Variants in ST8SIA4 observed in about 807,000 individuals in gnomAD.
ST8SIA4 encodes the protein ST8 alpha-N-acetyl-neuraminide alpha-2,8-sialyltransferase 4, also known as CMP-N-acetylneuraminate-poly-alpha-2,8-sialyltransferase.
In ST8SIA4, 15 loss-of-function variants were observed where a neutral mutation model predicts 33.9. The observed-to-expected ratio is 0.44, with a 90% confidence interval of 0.30 to 0.68. The LOEUF is 0.68. ST8SIA4 is among the 30% of genes least tolerant of loss of function. The pLI is 0.10. For synonymous variants in ST8SIA4, 171 were observed against 151.2 expected (o/e 1.13, Z -0.96); for missense variants, 321 against 428.0 (o/e 0.75, Z 2.21).
At chr5:100,838,346 C>T (rs1751405621) in intron 4 of ST8SIA4, among the ~76,000 whole-genome samples, 1 of 151,788 alleles carries the variant, frequency 6.6e-6, no homozygotes, top group Non-Finnish European at 1.5e-5. Flanking sequence ...GGTCAGTAGG[C>T]CAAGTCAAAC....
rs142632134 is a variant in ST8SIA4, at chr5:100,874,678, G to A, written c.503+11665C>T. ...TGGCTCACTGCAGCCTCAACCTCCC[G>A]GGGTCAAGTGATCCTCTCACCTCAG... On this transcript the variant is annotated intron_variant, in intron 3 of 4. Coordinates refer to ENST00000231461, the MANE Select transcript of ST8SIA4 (RefSeq NM_005668.6). 1.8e-3 allele frequency among the ~76,000 whole-genome samples: 272 copies of A among 151,986 alleles called. 2 individuals carry two copies. Among genetic ancestry groups the A allele is most frequent in the East Asian group, 8.5e-3 (44 of 5,156 alleles).
rs556970894 is a variant in ST8SIA4, at chr5:100,834,806, T to C, written c.797+21297A>G. ...AGAGCCTGTCCCACTTTGCCTTTTG[T>C]CATGATTGTAAGCTTGCTGACGCCT... On this transcript the variant is annotated intron_variant, in intron 4 of 4. Coordinates refer to ENST00000231461, the MANE Select transcript of ST8SIA4 (RefSeq NM_005668.6). Among the ~76,000 whole-genome samples, 20 of 152,228 alleles carry C rather than the reference T, an allele frequency of 1.3e-4. No homozygotes were observed. In the South Asian group the frequency reaches 3.3e-3, roughly 25 times the overall value.
intron 3 of ST8SIA4, among the ~76,000 whole-genome samples, chr5:100,869,011 G>A (rs1752140175): frequency 6.6e-6 from 1 of 152,004 alleles, no homozygotes; most frequent in Admixed American, 6.6e-5. Flanking sequence ...CTCATTATCA[G>A]TGCCTAGTTC....
intron 2 of ST8SIA4, among the ~76,000 whole-genome samples, chr5:100,892,122 T>C (rs555960969): frequency 6.6e-6 from 1 of 152,248 alleles, no homozygotes; most frequent in Admixed American, 6.5e-5. Flanking sequence ...TCTATACATC[T>C]ATAATTGATG....
At chr5:100,885,737 C>G in intron 3 of ST8SIA4, 1 of 941,378 alleles carries the variant, frequency 1.1e-6, no homozygotes, top group Non-Finnish European at 1.3e-6. Flanking sequence ...ATCAAACACA[C>G]AATTCATCAA....
intron 3 of ST8SIA4, among the ~76,000 whole-genome samples, chr5:100,869,184 A>G (rs1026523958): frequency 2.0e-4 from 30 of 152,202 alleles, no homozygotes; most frequent in African/African-American, 7.2e-4. Context: ...TATAAGAAAG[A>G]TGAAAGTTAT....
chr5:100,818,991 T>C (rs1031101966), intron 4 of ST8SIA4, among the ~76,000 whole-genome samples: 5 of 152,208 alleles, frequency 3.3e-5, no homozygotes, highest in Admixed American at 2.6e-4. Context: ...GATCTACATA[T>C]ATTATGTTGA....
Position 100,808,467 on chromosome 5 carries a change from G to C in ST8SIA4, c.*3380C>G, listed in dbSNP as rs1478147548. 6.6e-6 allele frequency: 1 copy of C among 152,540 alleles called. No homozygotes were observed. The highest frequency in any genetic ancestry group is 2.4e-5 in the African/African-American group (1 of 41,438). The allele number at this position is 152,540 out of a possible 1,614,324, so 9.4% of individuals were successfully genotyped here. A position where few individuals can be genotyped will look rare whatever the true frequency, so the allele number is the denominator to read the frequency against. On this transcript the variant is annotated 3_prime_UTR_variant, in exon 5 of 5. Transcript: ENST00000231461. ...GCAACTTAACATTAACTACAGCACA[G>C]GCTGAATAATAATGATGAAAATGTT... is the stretch of plus-strand genomic sequence containing the variant.
At chr5:100,867,113 T>G (rs559789718) in intron 3 of ST8SIA4, among the ~76,000 whole-genome samples, 17 of 152,212 alleles carry the variant, frequency 1.1e-4, no homozygotes, top group African/African-American at 4.1e-4. Context: ...GAATCGATAC[T>G]AGGTATACCC....
chr5:100,822,612 AT>A (rs1254582632), intron 4 of ST8SIA4, among the ~76,000 whole-genome samples: 1 of 152,240 alleles, frequency 6.6e-6, no homozygotes, highest in Non-Finnish European at 1.5e-5. Flanking sequence ...ATGAAATTTA[AT>A]ATATTATGTC....
At chr5:100,816,903 G>A (rs977845078) in intron 4 of ST8SIA4, among the ~76,000 whole-genome samples, 2 of 151,184 alleles carry the variant, frequency 1.3e-5, no homozygotes, top group Admixed American at 6.6e-5. Flanking sequence ...CCAGTCTGCA[G>A]TAATTTGAGA....
chr5:100,818,802 G>T (rs1388274088), intron 4 of ST8SIA4, among the ~76,000 whole-genome samples: 4 of 152,128 alleles, frequency 2.6e-5, no homozygotes, highest in African/African-American at 9.7e-5. Context: ...ATGAAGAAAG[G>T]AATGGAGATA....
Position 100,895,772 on chromosome 5 carries a change from A to G in ST8SIA4, c.127T>C (p.Ser43Pro). The change falls in exon 2 of 5, where the codon TCT becomes CCT. Residue 43 changes from serine to proline, a missense_variant. Physicochemically the swap from Ser to Pro is moderately conservative, Grantham distance 74 (BLOSUM62 -1). Transcript: ENST00000231461. ...CTATTGACAAGTGACCGACTCAAAG[A>G]CAATTCACCATCTCTGAAACAAAAC... ...ETQLIGDGEL[S>P]LSRSLVNSSD... is the part of the protein sequence containing the mutation. The G allele has an allele frequency of 1.2e-6, 2 of 1,612,468 alleles. No individual in the cohort carries two copies. Among genetic ancestry groups the G allele is most frequent in the Non-Finnish European group, 1.7e-6 (2 of 1,178,932 alleles).
chr5:100,874,497 C>T (rs1210395092), intron 3 of ST8SIA4, among the ~76,000 whole-genome samples: 1 of 151,962 alleles, frequency 6.6e-6, no homozygotes, highest in Non-Finnish European at 1.5e-5. Context: ...TTTTTATGTC[C>T]TCTCTCTGTG....
At chr5:100,833,535 T>C (rs1561388370) in intron 4 of ST8SIA4, among the ~76,000 whole-genome samples, 1 of 152,230 alleles carries the variant, frequency 6.6e-6, no homozygotes, top group East Asian at 1.9e-4. Flanking sequence ...TATGTTAACT[T>C]GGGAAAGTTA....
intron 4 of ST8SIA4, among the ~76,000 whole-genome samples, chr5:100,844,379 C>T (rs1279531389): frequency 1.3e-5 from 2 of 151,840 alleles, no homozygotes; most frequent in Non-Finnish European, 2.9e-5. Flanking sequence ...AGGGAGAGTA[C>T]AAGCACCTAC....
chr5:100,842,958 A>G (rs988853033), intron 4 of ST8SIA4, among the ~76,000 whole-genome samples: 4 of 151,856 alleles, frequency 2.6e-5, no homozygotes, highest in African/African-American at 9.7e-5. Context: ...TGAGTATCCA[A>G]AACAAGGAAG....
chr5:100,892,952 G>T (rs1052913398), intron 2 of ST8SIA4, among the ~76,000 whole-genome samples: 1 of 151,944 alleles, frequency 6.6e-6, no homozygotes, highest in Non-Finnish European at 1.5e-5. Flanking sequence ...ATATGTACCT[G>T]TGTAACAAAC....
At chr5:100,887,201 G>C (rs1439923585) in intron 2 of ST8SIA4, among the ~76,000 whole-genome samples, 1 of 152,074 alleles carries the variant, frequency 6.6e-6, no homozygotes, top group Non-Finnish European at 1.5e-5. Context: ...CTGGAAGTAA[G>C]ATGGATACAT....
Sources: gnomAD v4.1 joint callset for allele counts (sites outside exome capture counted in the v4.1 genomes callset) on GRCh38, gnomAD v4.1.1 for gene constraint, MANE v1.5 for transcripts, NCBI Gene and HGNC (gene_info 2026-07-23, HGNC 2026-07-21) for gene names.